Variants in VSNL1 observed in about 807,000 individuals in gnomAD.
The protein encoded by VSNL1 is visinin-like protein 1.
VSNL1 carries 6 observed loss-of-function variants against 20.4 expected under a neutral mutation model. The ratio of observed to expected loss-of-function variants is 0.29; its 90% CI spans 0.16 to 0.58. The LOEUF is 0.58. VSNL1 is among the 20% of genes least tolerant of loss of function. VSNL1 has a pLI of 0.90. For missense variants in VSNL1, 100 were observed against 234.5 expected (o/e 0.43, Z 3.75); for synonymous variants, 93 against 86.4 (o/e 1.08, Z -0.42).
At chr2:17,581,708 T>G (rs1476578913) in intron 1 of VSNL1, among the ~76,000 whole-genome samples, 1 of 152,220 alleles carries the variant, frequency 6.6e-6, no homozygotes, top group Non-Finnish European at 1.5e-5. Context: ...CTCATGACAC[T>G]GCTTTTCTCT....
intron 2 of VSNL1, among the ~76,000 whole-genome samples, chr2:17,640,436 G>A (rs1665858764): frequency 6.6e-6 from 1 of 152,174 alleles, no homozygotes; most frequent in South Asian, 2.1e-4. Flanking sequence ...TCTACATGAT[G>A]CATTTCCTTT....
rs555240844 is a variant in VSNL1, at chr2:17,596,225, T to C, written c.162+3989T>C. On this transcript the variant is annotated intron_variant, in intron 2 of 3. Coordinates refer to ENST00000295156, the MANE Select transcript of VSNL1 (RefSeq NM_003385.5). ...AGATGTCTGGAACTCCCTGGACACG[T>C]AGGGATTTCTGTGTGTCTGGCCACA... 1.3e-5 allele frequency among the ~76,000 whole-genome samples: 2 copies of C among 152,334 alleles called. 1 individual carries two copies. Among genetic ancestry groups the C allele is most frequent in the South Asian group, 4.1e-4 (2 of 4,826 alleles).
At chr2:17,651,489 T>C (rs978943990) in intron 3 of VSNL1, among the ~76,000 whole-genome samples, 3 of 152,246 alleles carry the variant, frequency 2.0e-5, no homozygotes, top group Non-Finnish European at 4.4e-5. Flanking sequence ...TCACTCACCA[T>C]AGCAGGAAGC....
chr2:17,617,489 C>CT (rs1356354648), intron 2 of VSNL1, among the ~76,000 whole-genome samples: 2 of 149,502 alleles, frequency 1.3e-5, no homozygotes, highest in Non-Finnish European at 2.9e-5. Flanking sequence ...GAGCAAGACT[C>CT]TGTCTTAAAA....
At chr2:17,542,286 T>A (rs1401203599) in intron 1 of VSNL1, among the ~76,000 whole-genome samples, 1 of 152,162 alleles carries the variant, frequency 6.6e-6, no homozygotes, top group Non-Finnish European at 1.5e-5. Context: ...TCATTAAGCC[T>A]TGGGTATTTA....
At chr2:17,622,384 G>C (rs973648192) in intron 2 of VSNL1, among the ~76,000 whole-genome samples, 4 of 151,578 alleles carry the variant, frequency 2.6e-5, no homozygotes, top group African/African-American at 9.7e-5. Context: ...TGTAATCCCA[G>C]CTACTTGGGA....
At chr2:17,578,127 A>G (rs1368932448) in intron 1 of VSNL1, among the ~76,000 whole-genome samples, 1 of 152,216 alleles carries the variant, frequency 6.6e-6, no homozygotes, top group Non-Finnish European at 1.5e-5. Context: ...TGAGGTAGTT[A>G]TTAATATACA....
At chr2:17,598,072 C>A (rs1415615748) in intron 2 of VSNL1, among the ~76,000 whole-genome samples, 3 of 152,116 alleles carry the variant, frequency 2.0e-5, no homozygotes, top group Non-Finnish European at 4.4e-5. Context: ...TGGTAAAAAT[C>A]TTTTAATAGA....
chr2:17,646,158 A>G (rs1665990731), intron 2 of VSNL1, among the ~76,000 whole-genome samples: 1 of 152,216 alleles, frequency 6.6e-6, no homozygotes, highest in South Asian at 2.1e-4. Context: ...TGTCCTTGAC[A>G]CATAGCAGCT....
intron 1 of VSNL1, among the ~76,000 whole-genome samples, chr2:17,557,740 G>A (rs770694472): frequency 2.8e-4 from 42 of 152,108 alleles, no homozygotes; most frequent in Non-Finnish European, 4.6e-4. Flanking sequence ...CACTCACAAG[G>A]CTCCAGTAAC....
At position 17,642,309 on chromosome 2, in the gene VSNL1, C is replaced by CTTTTTTTTTTTTTTTTTTTTTTTT; in HGVS notation, c.163-7084_163-7083insTTTTTTTTTTTTTTTTTTTTTTTT. ...CTGGCTTTTCCCATGGTGAGCATTCCTTTTTTTTTTTTTTTTTGAGACAGA... is the reference window on the plus strand; with the variant it reads ...CTGGCTTTTCCCATGGTGAGCATTCCTTTTTTTTTTTTTTTTTTTTTTTTTTTTTTTTTTTTTTTTTGAGACAGA... On this transcript the variant is annotated intron_variant, in intron 2 of 3. Transcript: ENST00000295156. Among the ~76,000 whole-genome samples, 853 of 93,166 alleles carry CTTTTTTTTTTTTTTTTTTTTTTTT rather than the reference C, an allele frequency of 9.2e-3. 205 individuals carry two copies. Among genetic ancestry groups the CTTTTTTTTTTTTTTTTTTTTTTTT allele is most frequent in the Non-Finnish European group, 0.016 (701 of 44,216 alleles). The allele number at this position is 93,166 out of a possible 152,430, so 61.1% of individuals were successfully genotyped here.
intron 2 of VSNL1, among the ~76,000 whole-genome samples, chr2:17,616,285 A>G (rs1259808211): frequency 6.6e-6 from 1 of 152,234 alleles, no homozygotes; most frequent in African/African-American, 2.4e-5. Context: ...ACATCATCAC[A>G]AGAGTGAAGC....
intron 1 of VSNL1, among the ~76,000 whole-genome samples, chr2:17,556,122 C>T (rs538757381): frequency 3.4e-4 from 52 of 152,236 alleles, no homozygotes; most frequent in African/African-American, 1.2e-3. Flanking sequence ...GTTCAGGATC[C>T]ATGAGTTTTA....
intron 2 of VSNL1, among the ~76,000 whole-genome samples, chr2:17,600,277 C>G (rs1453988977): frequency 6.6e-6 from 1 of 152,218 alleles, no homozygotes; most frequent in Non-Finnish European, 1.5e-5. Context: ...GAATAACACT[C>G]TGGGCCTTGC....
chr2:17,557,397 C>T (rs1663711193), intron 1 of VSNL1, among the ~76,000 whole-genome samples: 1 of 152,120 alleles, frequency 6.6e-6, no homozygotes, highest in Non-Finnish European at 1.5e-5. Context: ...AACCATAATC[C>T]CTGCCTTCAT....
intron 3 of VSNL1, among the ~76,000 whole-genome samples, chr2:17,652,686 CAAGA>C (rs1205280479): frequency 4.6e-5 from 7 of 152,206 alleles, no homozygotes; most frequent in African/African-American, 1.7e-4. Context: ...GTGTGAGCAC[CAAGA>C]GTTGTTCAGC....
intron 1 of VSNL1, among the ~76,000 whole-genome samples, chr2:17,578,058 G>A (rs1052196546): frequency 6.6e-6 from 1 of 152,126 alleles, no homozygotes; most frequent in African/African-American, 2.4e-5. Flanking sequence ...GATCATATAA[G>A]CTGTTGTTAT....
intron 2 of VSNL1, among the ~76,000 whole-genome samples, chr2:17,603,632 A>G (rs1227442580): frequency 6.6e-6 from 1 of 152,194 alleles, no homozygotes; most frequent in Non-Finnish European, 1.5e-5. Context: ...GGGTAGAGCC[A>G]GGTCACAGAG....
intron 2 of VSNL1, among the ~76,000 whole-genome samples, chr2:17,622,532 A>AAAAGAAAGAAAGAAAGAAAGAAAG (rs201871488): frequency 3.5e-4 from 35 of 98,710 alleles, no homozygotes; most frequent in Middle Eastern, 4.8e-3. Flanking sequence ...AGAAAGAAAG[A>AAAAGAAAGAAAGAAAGAAAGAAAG]AAAGAAAGAA....
Sources: allele counts gnomAD v4.1 joint callset (sites outside exome capture counted in the v4.1 genomes callset), GRCh38; gene constraint gnomAD v4.1.1; transcripts MANE v1.5; gene names NCBI Gene and HGNC (gene_info 2026-07-23, HGNC 2026-07-21).